ESRRG: variants seen among roughly 807,000 people sequenced by gnomAD.
ESRRG encodes estrogen related receptor gamma, also known as estrogen-related receptor gamma.
A neutral mutation model predicts 44.0 loss-of-function variants in ESRRG; 13 were observed. The observed-to-expected ratio is 0.30, with a 90% CI of 0.19 to 0.47. The LOEUF (loss-of-function observed/expected upper bound fraction) is 0.47. Ranked by LOEUF, ESRRG falls within the 20% of genes least tolerant of loss-of-function variation. The pLI, the probability that ESRRG is intolerant of heterozygous loss-of-function variation, is 1.00. For missense variants in ESRRG, 395 were observed against 580.6 expected (o/e 0.68, Z 3.29); for synonymous variants, 215 against 214.6 (o/e 1.00, Z -0.02).
intron 2 of ESRRG, among the ~76,000 whole-genome samples, chr1:216,900,519 G>C (rs2058949743): frequency 6.6e-6 from 1 of 151,724 alleles, no homozygotes; most frequent in Admixed American, 6.6e-5. Context: ...GTGGATGCAA[G>C]AGTGTGTGTA....
chr1:216,581,823 C>T (rs1400449966), intron 3 of ESRRG, among the ~76,000 whole-genome samples: 1 of 152,188 alleles, frequency 6.6e-6, no homozygotes, highest in Non-Finnish European at 1.5e-5. Flanking sequence ...AAGAAGGCAG[C>T]AATCCAGATC....
intron 2 of ESRRG, among the ~76,000 whole-genome samples, chr1:216,836,006 T>C (rs976409590): frequency 6.6e-6 from 1 of 151,584 alleles, no homozygotes; most frequent in African/African-American, 2.4e-5. Context: ...TGCTTAATTA[T>C]GTGTTTACCT....
intron 2 of ESRRG, among the ~76,000 whole-genome samples, chr1:216,756,990 G>A (rs1003229714): frequency 6.6e-6 from 1 of 151,934 alleles, no homozygotes; most frequent in Admixed American, 6.6e-5. Flanking sequence ...GGTGGGAGAT[G>A]CCAGTATACA....
At chr1:216,993,932 C>T (rs997750868) in intron 1 of ESRRG, among the ~76,000 whole-genome samples, 5 of 152,250 alleles carry the variant, frequency 3.3e-5, no homozygotes, top group African/African-American at 1.2e-4. Context: ...CACTTTTTCT[C>T]TAATACATTT....
intron 1 of ESRRG, among the ~76,000 whole-genome samples, chr1:216,982,731 A>T (rs2074167833): frequency 6.6e-6 from 1 of 152,198 alleles, no homozygotes; most frequent in African/African-American, 2.4e-5. Context: ...TATAAAGGAG[A>T]ACTCCACTTT....
At chr1:217,097,695 T>C (rs2151561380) in intron 1 of ESRRG, among the ~76,000 whole-genome samples, 1 of 152,288 alleles carries the variant, frequency 6.6e-6, no homozygotes, top group African/African-American at 2.4e-5. Context: ...GCATAATCCC[T>C]TGTCAAAGTA....
chr1:216,664,692 GAA>G (rs71163758), intron 2 of ESRRG, among the ~76,000 whole-genome samples: 47,985 of 133,638 alleles, frequency 0.36, 8,710 homozygotes, highest in Non-Finnish European at 0.44. Flanking sequence ...TGCTACTGAA[GAA>G]AAAAAAAAAA....
intron 1 of ESRRG, among the ~76,000 whole-genome samples, chr1:216,974,999 G>T (rs2072568676): frequency 6.6e-6 from 1 of 151,946 alleles, no homozygotes. Context: ...AGCATCATAT[G>T]ATATCTGCTT....
chr1:216,546,033 A>T (rs1370817885), intron 5 of ESRRG, among the ~76,000 whole-genome samples: 1 of 151,986 alleles, frequency 6.6e-6, no homozygotes, highest in Non-Finnish European at 1.5e-5. Context: ...AAACTAAAAA[A>T]CTCACTCATA....
intron 1 of ESRRG, among the ~76,000 whole-genome samples, chr1:217,002,903 C>T (rs1001535963): frequency 6.6e-6 from 1 of 152,050 alleles, no homozygotes; most frequent in African/African-American, 2.4e-5. Context: ...GCCAGAATTG[C>T]CCAACCAAGC....
chr1:216,930,309 A>G (rs1003571732), intron 2 of ESRRG, among the ~76,000 whole-genome samples: 4 of 152,106 alleles, frequency 2.6e-5, no homozygotes, highest in Non-Finnish European at 5.9e-5. Context: ...AATTCATTCT[A>G]TTTAACTTCA....
intron 1 of ESRRG, among the ~76,000 whole-genome samples, chr1:216,684,379 G>A (rs1441561336): frequency 3.3e-5 from 5 of 152,198 alleles, no homozygotes; most frequent in Non-Finnish European, 5.9e-5. Flanking sequence ...GAGGCGCTTA[G>A]TAGTGCAACT....
intron 2 of ESRRG, among the ~76,000 whole-genome samples, chr1:216,668,731 C>T (rs565061416): frequency 1.3e-5 from 2 of 152,148 alleles, no homozygotes; most frequent in Non-Finnish European, 2.9e-5. Context: ...CTCACACACA[C>T]ACATATATTC....
intron 5 of ESRRG, among the ~76,000 whole-genome samples, chr1:216,551,129 T>A (rs1362570616): frequency 2.6e-5 from 4 of 152,148 alleles, no homozygotes; most frequent in African/African-American, 9.7e-5. Flanking sequence ...AGTCTTGAAA[T>A]AAAATTTCAA....
At position 216,877,385 on chromosome 1, in the gene ESRRG, T is replaced by TTTTG. The variant is rs139463714; in HGVS notation, c.-14+62193_-14+62196dup. Among the ~76,000 whole-genome samples, 246 of 52,352 alleles carry TTTTG rather than the reference T, an allele frequency of 4.7e-3. 3 individuals carry two copies. The highest frequency in any genetic ancestry group is 0.011 in the East Asian group (38 of 3,544). The allele number at this position is 52,352 out of a possible 152,430, so 34.3% of individuals were successfully genotyped here. On this transcript the variant is annotated intron_variant, in intron 2 of 7. Coordinates refer to the ESRRG transcript ENST00000359162. Reference sequence around the variant, plus strand: ...GCTTTTTTATAGGTATGGTGTTTTTTTTTGTTTGTTTGTTTGTTTGTTTGT... The same window carrying TTTTG: ...GCTTTTTTATAGGTATGGTGTTTTTTTTTGTTTGTTTGTTTGTTTGTTTGTTTGT...
At chr1:216,593,460 G>A (rs897673485) in intron 3 of ESRRG, among the ~76,000 whole-genome samples, 1 of 152,154 alleles carries the variant, frequency 6.6e-6, no homozygotes, top group Non-Finnish European at 1.5e-5. Context: ...AACCCCATCT[G>A]TTTTAAGTGG....
At chr1:217,111,101 G>A (rs993270944) in intron 1 of ESRRG, among the ~76,000 whole-genome samples, 4 of 152,110 alleles carry the variant, frequency 2.6e-5, no homozygotes, top group Non-Finnish European at 4.4e-5. Context: ...ATGTCCTAGG[G>A]CAAGGCCCTC....
chr1:216,966,370 G>C (rs2070384674), intron 1 of ESRRG, among the ~76,000 whole-genome samples: 1 of 152,118 alleles, frequency 6.6e-6, no homozygotes, highest in Admixed American at 6.6e-5. Flanking sequence ...CTGATACTAG[G>C]AGCAAAGTAA....
chr1:216,801,442 G>T (rs553756036), intron 2 of ESRRG, among the ~76,000 whole-genome samples: 1 of 152,052 alleles, frequency 6.6e-6, no homozygotes. Flanking sequence ...CCCTGTCCCT[G>T]TTAACCACTG....
Sources: allele counts gnomAD v4.1 joint callset (sites outside exome capture counted in the v4.1 genomes callset), GRCh38; gene constraint gnomAD v4.1.1; transcripts MANE v1.5; gene names NCBI Gene and HGNC (gene_info 2026-07-23, HGNC 2026-07-21).